Variants in ACCSL observed in about 807,000 individuals in gnomAD.
The protein encoded by ACCSL is probable inactive 1-aminocyclopropane-1-carboxylate synthase-like protein 2.
A neutral mutation model predicts 61.7 loss-of-function variants in ACCSL; 55 were observed. The ratio of observed to expected loss-of-function variants is 0.89; its 90% CI spans 0.72 to 1.12. The LOEUF (loss-of-function observed/expected upper bound fraction) is 1.12, where lower values mean the gene tolerates loss of function less well. Ranked by LOEUF, ACCSL falls within the 50% of genes most tolerant of loss-of-function variation. ACCSL has a pLI of 0.00. For synonymous variants in ACCSL, 258 were observed against 264.3 expected (o/e 0.98, Z 0.23); for missense variants, 632 against 698.0 (o/e 0.91, Z 1.07).
chr11:43,921,466 G>A, the ACCSL span, among the ~76,000 whole-genome samples: 1 of 152,212 alleles, frequency 6.6e-6, no homozygotes, highest in Non-Finnish European at 1.5e-5. Flanking sequence ...CTGTGAGGGA[G>A]GTTCAAATCA....
the ACCSL span, among the ~76,000 whole-genome samples, chr11:43,953,254 C>A: frequency 6.6e-6 from 1 of 152,102 alleles, no homozygotes; most frequent in Non-Finnish European, 1.5e-5. Context: ...GTGGCTCACA[C>A]CTGTAATCCC....
chr11:44,055,588 A>C (rs1952666362), intron 9 of ACCSL, among the ~76,000 whole-genome samples: 2 of 152,256 alleles, frequency 1.3e-5, no homozygotes. Context: ...AGGGAAAGAA[A>C]AAGGAGGCAG....
chr11:44,012,733 T>C, the ACCSL span, among the ~76,000 whole-genome samples: 1 of 152,392 alleles, frequency 6.6e-6, no homozygotes, highest in Non-Finnish European at 1.5e-5. Context: ...AAGATGTTCA[T>C]TGCAGTGTTT....
At chr11:43,938,435 G>A in the ACCSL span, among the ~76,000 whole-genome samples, 32 of 152,302 alleles carry the variant, frequency 2.1e-4, no homozygotes, top group African/African-American at 6.5e-4. Context: ...TCCTTGAGCC[G>A]TGACCACATC....
chr11:43,989,418 G>A, the ACCSL span, among the ~76,000 whole-genome samples: 1 of 152,230 alleles, frequency 6.6e-6, no homozygotes, highest in Non-Finnish European at 1.5e-5. Flanking sequence ...TGGGAGCTGG[G>A]AAATGCAACA....
the ACCSL span, among the ~76,000 whole-genome samples, chr11:43,988,856 G>A: frequency 1.6e-5 from 2 of 128,672 alleles, no homozygotes; most frequent in Admixed American, 8.7e-5. Flanking sequence ...GGCTGGACTT[G>A]AGCTCCTGGG....
the ACCSL span, among the ~76,000 whole-genome samples, chr11:44,022,707 A>G: frequency 6.6e-6 from 1 of 152,138 alleles, no homozygotes; most frequent in Non-Finnish European, 1.5e-5. Flanking sequence ...GTGGTGTTTT[A>G]TCCTATTTTT....
At chr11:43,958,879 G>T in the ACCSL span, among the ~76,000 whole-genome samples, 1 of 152,114 alleles carries the variant, frequency 6.6e-6, no homozygotes, top group African/African-American at 2.4e-5. Context: ...TGGGGGCTTA[G>T]AATTTTATTT....
At chr11:43,969,967 A>G in the ACCSL span, among the ~76,000 whole-genome samples, 276 of 151,466 alleles carry the variant, frequency 1.8e-3, 1 homozygote, top group African/African-American at 6.4e-3. Flanking sequence ...GTATAGGGGG[A>G]GGGTTGGAGT....
the ACCSL span, among the ~76,000 whole-genome samples, chr11:43,958,998 A>T: frequency 6.6e-6 from 1 of 152,110 alleles, no homozygotes; most frequent in African/African-American, 2.4e-5. Context: ...AGGGCAGAAA[A>T]GGGCCCAAGC....
chr11:43,960,658 T>TA, the ACCSL span, among the ~76,000 whole-genome samples: 1 of 152,242 alleles, frequency 6.6e-6, no homozygotes, highest in African/African-American at 2.4e-5. Flanking sequence ...GTGCTGGGCT[T>TA]ACAGGCATGA....
the ACCSL span, among the ~76,000 whole-genome samples, chr11:43,950,744 C>T: frequency 6.6e-6 from 1 of 152,220 alleles, no homozygotes; most frequent in Non-Finnish European, 1.5e-5. Context: ...ATCCCAGATC[C>T]CTGAATGACC....
chr11:44,046,934 T>A (rs914254968), upstream of ACCSL, among the ~76,000 whole-genome samples: 3 of 152,110 alleles, frequency 2.0e-5, no homozygotes, highest in Non-Finnish European at 2.9e-5. Context: ...GGAAGGTTAA[T>A]CCTAATCGTT....
the ACCSL span, chr11:43,942,975 G>T: frequency 6.7e-7 from 1 of 1,499,322 alleles, no homozygotes; most frequent in Non-Finnish European, 8.9e-7. Context: ...CACTTCGTGT[G>T]CCTGGCCGAC....
chr11:44,031,852 G>A, the ACCSL span, among the ~76,000 whole-genome samples: 1 of 152,140 alleles, frequency 6.6e-6, no homozygotes, highest in Non-Finnish European at 1.5e-5. Context: ...GATGCAGGTG[G>A]ACAGTCGCGG....
At chr11:44,043,099 A>G (rs75346076), upstream of ACCSL, among the ~76,000 whole-genome samples, 44 of 152,260 alleles carry the variant, frequency 2.9e-4, no homozygotes, top group African/African-American at 1.0e-3. Context: ...AAACGTATTT[A>G]GCTATTTATA....
chr11:44,011,667 C>A, the ACCSL span, among the ~76,000 whole-genome samples: 1 of 152,066 alleles, frequency 6.6e-6, no homozygotes, highest in East Asian at 1.9e-4. Flanking sequence ...TTCTCCTCCC[C>A]AACCAAAAAA....
At chr11:43,981,739 G>A in the ACCSL span, among the ~76,000 whole-genome samples, 1 of 152,194 alleles carries the variant, frequency 6.6e-6, no homozygotes, top group Non-Finnish European at 1.5e-5. Context: ...CCTCTGGGCT[G>A]TCTTGGCAGA....
chr11:44,053,875 C>A (rs1333777191), intron 8 of ACCSL, among the ~76,000 whole-genome samples: 2 of 152,054 alleles, frequency 1.3e-5, no homozygotes, highest in Non-Finnish European at 2.9e-5. Flanking sequence ...AAGTAATTTA[C>A]CCTAAATGGT....
Sources: allele counts gnomAD v4.1 joint callset (sites outside exome capture counted in the v4.1 genomes callset), GRCh38; gene constraint gnomAD v4.1.1; transcripts MANE v1.5; gene names NCBI Gene and HGNC (gene_info 2026-07-23, HGNC 2026-07-21).